The following SV2A variants were observed in gnomAD, a reference collection of about 807,000 sequenced individuals.
The protein encoded by SV2A is solute carrier family 22 member B1.
Under a neutral mutation model 78.0 loss-of-function variants are expected in SV2A, and 25 were observed. The ratio of observed to expected loss-of-function variants is 0.32; its 90% CI spans 0.23 to 0.45. SV2A has a LOEUF of 0.45. Ranked by LOEUF, SV2A falls within the 20% of genes least tolerant of loss-of-function variation. SV2A has a pLI of 1.00. For synonymous variants in SV2A, 355 were observed against 384.7 expected, an observed-to-expected ratio of 0.92 and a Z score of 0.90; for missense variants, 752 against 971.5, an observed-to-expected ratio of 0.77 and a Z score of 3.00.
chr1:149,906,822 C>G lies in SV2A; in HGVS notation c.1713G>C (p.Leu571=), dbSNP rs782803481. Residue 571 remains leucine (L), a synonymous_variant, in exon 11 of 13, where the codon CTG becomes CTC. Transcript: ENST00000369146. ...TGTTGTGCAGGAATGTACTGTTTAT[C>G]AGACGGCTGTTCACAAACTTGTACT... ...LFEYKFVNSR[L]INSTFLHNKE... The G allele has an allele frequency of 6.2e-7, 1 of 1,614,242 alleles. No homozygotes were observed. The highest frequency in any genetic ancestry group is 8.5e-7 in the Non-Finnish European group (1 of 1,180,056).
chr1:149,908,881 C>CA (rs1457497350), intron 8 of SV2A, among the ~76,000 whole-genome samples: 1 of 152,150 alleles, frequency 6.6e-6, no homozygotes, highest in African/African-American at 2.4e-5. Context: ...GATCCGCCCG[C>CA]CTCGTCCTCC....
At chr1:149,905,255 G>A (rs1411625026) in intron 12 of SV2A, 58 bp from the exon 13 acceptor site, 1 of 1,508,822 alleles carries the variant, frequency 6.6e-7, no homozygotes, top group Non-Finnish European at 9.0e-7. Flanking sequence ...GGCAAAGGAA[G>A]AGTGGAGGGC....
At position 149,913,994 on chromosome 1, in the gene SV2A, A is replaced by C; in HGVS notation, c.-154T>G. On this transcript the variant is annotated 5_prime_UTR_variant, in exon 2 of 13. Transcript: ENST00000369146. ...TCTGGGCACAAAAAAAAGAGCAAAC[A>C]GGTCCTAGCCAATGAGTGCCTAGGA... 8.3e-7 allele frequency: 1 copy of C among 1,204,220 alleles called. No individual in the cohort carries two copies. Among genetic ancestry groups the C allele is most frequent in the East Asian group, 2.5e-5 (1 of 40,290 alleles). The allele number at this position is 1,204,220 out of a possible 1,614,324, so 74.6% of individuals were successfully genotyped here. A position where few individuals can be genotyped will look rare whatever the true frequency, so the allele number is the denominator to read the frequency against.
intron 11 of SV2A, 26 bp from the exon 12 acceptor site, chr1:149,906,065 C>T: frequency 3.1e-6 from 5 of 1,613,074 alleles, no homozygotes; most frequent in Non-Finnish European, 4.2e-6. Flanking sequence ...GAGAGAGCAA[C>T]ATGAGCCTGG....
In SV2A at chr1:149,910,877, T is replaced by A; in HGVS notation, c.904A>T (p.Ile302Phe). ...HLSWLCMFWM[I>F]GGVYAAAMAW... ...ATAGCAGCTGCGTACACGCCACCAA[T>A]CATCCAAAACATGCAGAGCCAGCTC... Residue 302 changes from isoleucine (I) to phenylalanine (F), a missense_variant, in exon 4 of 13, where the codon ATT becomes TTT. By Grantham distance (21) the Ile-to-Phe change is conservative. This residue lies in a region of SV2A where 43 missense variants were observed against 70.8 expected (regional missense o/e 0.61). Coordinates refer to ENST00000369146, the MANE Select transcript of SV2A (RefSeq NM_014849.5). The surrounding 1 kb of genome is among the most constrained non-coding windows in gnomAD (Gnocchi z 4.2). 1 of 1,614,172 alleles carries A rather than the reference T, an allele frequency of 6.2e-7. No individual in the cohort carries two copies. The highest frequency in any genetic ancestry group is 8.5e-7 in the Non-Finnish European group (1 of 1,180,014).
At chr1:149,909,989 A>C in intron 5 of SV2A, 99 bp from the exon 6 acceptor site, 1 of 1,129,660 alleles carries the variant, frequency 8.9e-7, no homozygotes, top group East Asian at 2.5e-5. Flanking sequence ...GTCACAGGAC[A>C]CTAAATGGTT....
chr1:149,906,922 A>G (rs782073708), intron 10 of SV2A, 66 bp from the exon 11 acceptor site: 3 of 1,590,906 alleles, frequency 1.9e-6, no homozygotes, highest in Non-Finnish European at 2.6e-6. Flanking sequence ...GTTACGGCTT[A>G]TGGCTCAGGG....
chr1:149,907,663 C>T (rs1553762956), intron 10 of SV2A, 37 bp downstream of exon 10: 1 of 1,600,916 alleles, frequency 6.2e-7, no homozygotes, highest in Non-Finnish European at 8.5e-7. Context: ...GTCCACCCAA[C>T]CCTTTGGTCT....
intron 8 of SV2A, among the ~76,000 whole-genome samples, chr1:149,908,768 G>C (rs1285038904): frequency 6.6e-6 from 1 of 152,098 alleles, no homozygotes; most frequent in Non-Finnish European, 1.5e-5. Context: ...CTCCAGAGTA[G>C]CTGGGACTAC....
At chr1:149,916,551 G>A (rs2092515121) in intron 1 of SV2A, among the ~76,000 whole-genome samples, 1 of 152,206 alleles carries the variant, frequency 6.6e-6, no homozygotes, top group Admixed American at 6.5e-5. Flanking sequence ...GCAGAGGGTG[G>A]AGACAGGCAG....
chr1:149,905,225 G>C (rs781903724), intron 12 of SV2A, 28 bp from the exon 13 acceptor site: 9 of 1,586,502 alleles, frequency 5.7e-6, no homozygotes. Context: ...AGTGCAGCAC[G>C]GCGCAAGGTA....
At chr1:149,916,717 A>G (rs781816333) in intron 1 of SV2A, among the ~76,000 whole-genome samples, 4 of 152,106 alleles carry the variant, frequency 2.6e-5, no homozygotes, top group Non-Finnish European at 4.4e-5. Context: ...GCAATCACTT[A>G]TCAAAACGTC....
intron 10 of SV2A, among the ~76,000 whole-genome samples, chr1:149,907,366 C>T (rs889753154): frequency 6.6e-6 from 1 of 152,082 alleles, no homozygotes; most frequent in African/African-American, 2.4e-5. Flanking sequence ...ACCAAATACC[C>T]CTTTTATTGA....
Position 149,904,639 on chromosome 1 carries a change from T to C in SV2A, c.*375A>G, listed in dbSNP as rs2092422972. 1 of 188,600 alleles carries C rather than the reference T, an allele frequency of 5.3e-6. No homozygotes were observed. The highest frequency in any genetic ancestry group is 2.4e-5 in the African/African-American group (1 of 42,536). The allele number at this position is 188,600 out of a possible 1,614,324, so 11.7% of individuals were successfully genotyped here. Reference sequence around the variant, plus strand: ...CCCTAGCATAATTGCATACCTGTGGTTTCACCAGGGCCTAGGCAGAGGGAA... The same window carrying C: ...CCCTAGCATAATTGCATACCTGTGGCTTCACCAGGGCCTAGGCAGAGGGAA... On this transcript the variant is annotated 3_prime_UTR_variant, in exon 13 of 13. Transcript: ENST00000369146.
Position 149,905,318 on chromosome 1 carries a change from G to T in SV2A, c.2046-121C>A, listed in dbSNP as rs1223815898. The T allele has an allele frequency of 9.2e-6, 8 of 867,328 alleles. No homozygotes were observed. The East Asian group carries it at 1.1e-4, about 12-fold the overall frequency. 53.7% of individuals were successfully genotyped at this position (867,328 alleles called of 1,614,324 possible). ...GCAGTGTCCAAGAGGGAGAGAGAAG[G>T]TTGGAGAGATCAGAGAGGTAAAGGA... On this transcript the variant is annotated intron_variant, in intron 12 of 12. Transcript: ENST00000369146.
chr1:149,911,965 A>G lies in SV2A; in HGVS notation c.638T>C (p.Leu213Pro). 6.2e-7 allele frequency: 1 copy of G among 1,614,054 alleles called. No individual in the cohort carries two copies. The highest frequency in any genetic ancestry group is 2.2e-5 in the East Asian group (1 of 44,872). Residue 213 changes from leucine to proline, a missense_variant, in exon 3 of 13, where the codon CTG becomes CCG. Around this residue, in one of 7 missense-constraint regions of SV2A, gnomAD observed 291 missense variants for 359.5 expected, o/e 0.81. Coordinates refer to ENST00000369146, the MANE Select transcript of SV2A (RefSeq NM_014849.5). ...NKGMLGLIVY[L>P]GMMVGAFLWG... is the part of the protein sequence containing the mutation. Reference sequence around the variant, plus strand: ...GAGGAAGGCTCCCACCATCATGCCCAGGTAGACGATGAGGCCTGGAAGGAG... The same window carrying G: ...GAGGAAGGCTCCCACCATCATGCCCGGGTAGACGATGAGGCCTGGAAGGAG...
At chr1:149,911,019 A>T (rs782357173) in intron 3 of SV2A, 42 bp from the exon 4 acceptor site, 1 of 1,593,160 alleles carries the variant, frequency 6.3e-7, no homozygotes. Flanking sequence ...AAATGGCCAT[A>T]GTCCTGATCC....
In SV2A at chr1:149,913,575, T is replaced by C; in HGVS notation, c.266A>G (p.Glu89Gly). The C allele has an allele frequency of 6.2e-7, 1 of 1,613,972 alleles. No homozygotes were observed. The highest frequency in any genetic ancestry group is 8.5e-7 in the Non-Finnish European group (1 of 1,179,994). ...TTCCCCTTCATAGATCTCATCATCC[T>C]CGTCATGGCCCTCAGTAGCATCACT... ...ASSDATEGHD[E>G]DDEIYEGEYQ... Residue 89 changes from glutamate to glycine, a missense_variant, in exon 2 of 13, where the codon GAG (glutamate) becomes GGG (glycine). Coordinates refer to ENST00000369146, the MANE Select transcript of SV2A (RefSeq NM_014849.5).
In SV2A at chr1:149,910,438, T is replaced by C; in HGVS notation, c.1089+132A>G. On this transcript the variant is annotated intron_variant, in intron 5 of 12. Coordinates refer to ENST00000369146, the MANE Select transcript of SV2A (RefSeq NM_014849.5). This position sits in a 1 kb window ranked among gnomAD's most constrained non-coding sequence, Gnocchi z 4.2. ...AGATAAAGTCCCCTGGAGAGTGGAC[T>C]CTGTGAGGAAGGCAGGCAGTCAAAC... 7.7e-7 allele frequency: 1 copy of C among 1,300,074 alleles called. No individual in the cohort carries two copies. Among genetic ancestry groups the C allele is most frequent in the Non-Finnish European group, 1.0e-6 (1 of 974,458 alleles). 80.5% of individuals were successfully genotyped at this position (1,300,074 alleles called of 1,614,324 possible). A position where few individuals can be genotyped will look rare whatever the true frequency, so the allele number is the denominator to read the frequency against.
Sources: allele counts gnomAD v4.1 joint callset (sites outside exome capture counted in the v4.1 genomes callset), GRCh38; gene constraint gnomAD v4.1.1; regional missense constraint gnomAD v4.1.1; non-coding constraint Gnocchi (gnomAD v3.1); transcripts MANE v1.5; gene names NCBI Gene and HGNC (gene_info 2026-07-23, HGNC 2026-07-21).